Variants in CDC14A observed in about 807,000 individuals in gnomAD.
CDC14A encodes the protein dual specificity protein phosphatase CDC14A.
A neutral mutation model predicts 74.4 loss-of-function variants in CDC14A; 53 were observed. The ratio of observed to expected loss-of-function variants is 0.71; its 90% CI spans 0.57 to 0.89. The LOEUF is 0.89. Ranked by LOEUF, CDC14A falls within the 40% of genes least tolerant of loss-of-function variation. The pLI is 0.00. For synonymous variants in CDC14A, 247 were observed against 258.4 expected (o/e 0.96, Z 0.43); for missense variants, 646 against 713.7 (o/e 0.91, Z 1.08).
intron 11 of CDC14A, chr1:100,485,881 T>C (rs1417504098): frequency 6.6e-6 from 1 of 152,272 alleles, no homozygotes; most frequent in Non-Finnish European, 1.5e-5. Context: ...TGCTCTGTTC[T>C]CCAGGATGGC....
intron 10 of CDC14A, among the ~76,000 whole-genome samples, chr1:100,469,516 A>T (rs1668182434): frequency 6.6e-6 from 1 of 152,098 alleles, no homozygotes; most frequent in African/African-American, 2.4e-5. Flanking sequence ...TTTGCATTTT[A>T]TGTGCCTGTA....
intron 12 of CDC14A, 130 bp from the exon 13 acceptor site, chr1:100,495,872 C>A: frequency 1.4e-6 from 1 of 703,226 alleles, no homozygotes; most frequent in Non-Finnish European, 2.5e-6. Flanking sequence ...AATCTAATAT[C>A]CATTTGCAAG....
chr1:100,494,806 A>AT lies in CDC14A; in HGVS notation c.1138-5dup, dbSNP rs754787518. 4.5e-6 allele frequency: 7 copies of AT among 1,544,298 alleles called. No homozygotes were observed. The highest frequency in any genetic ancestry group is 5.4e-6 in the Non-Finnish European group (6 of 1,117,534). Reference sequence around the variant, plus strand: ...ATTTTGACCTTTCTATGGAACGTGTATTTTTTTCCAGGATAACTTAGAAGA... The same window carrying AT: ...ATTTTGACCTTTCTATGGAACGTGTATTTTTTTTCCAGGATAACTTAGAAGA... On this transcript the variant is annotated splice_polypyrimidine_tract_variant and intron_variant, in intron 11 of 15. Coordinates refer to ENST00000336454, the MANE Select transcript of CDC14A (RefSeq NM_003672.4).
intron 11 of CDC14A, among the ~76,000 whole-genome samples, chr1:100,490,681 A>G (rs1373365802): frequency 6.6e-6 from 1 of 152,166 alleles, no homozygotes; most frequent in African/African-American, 2.4e-5. Context: ...GAGGAAATAT[A>G]TGCAATATAT....
At chr1:100,463,492 G>A (rs192816986) in intron 9 of CDC14A, among the ~76,000 whole-genome samples, 1 of 152,176 alleles carries the variant, frequency 6.6e-6, no homozygotes, top group East Asian at 1.9e-4. Flanking sequence ...ATCTCTGGGG[G>A]TGGATACTTT....
intron 15 of CDC14A, among the ~76,000 whole-genome samples, chr1:100,513,364 T>C (rs932489332): frequency 6.6e-5 from 10 of 152,196 alleles, no homozygotes; most frequent in Non-Finnish European, 7.4e-5. Context: ...TTTTTGCCTC[T>C]GTGGTTAGAA....
At chr1:100,420,949 G>C (rs1490520667) in intron 4 of CDC14A, among the ~76,000 whole-genome samples, 1 of 152,108 alleles carries the variant, frequency 6.6e-6, no homozygotes, top group East Asian at 1.9e-4. Flanking sequence ...TAATTAAACA[G>C]AAAAAAGTCA....
chr1:100,409,548 A>G (rs1660394654), intron 4 of CDC14A, among the ~76,000 whole-genome samples: 1 of 152,244 alleles, frequency 6.6e-6, no homozygotes, highest in Non-Finnish European at 1.5e-5. Flanking sequence ...CAATGGGGGT[A>G]CAGGCATTGG....
chr1:100,345,175 G>T (rs1650310033), exon 1 of CDC14A: 1 of 152,156 alleles, frequency 6.6e-6, no homozygotes, highest in Non-Finnish European at 1.5e-5. Context: ...TGATAAAAAG[G>T]ACTTCTCTGT....
At chr1:100,479,255 T>A (rs1669217092) in intron 10 of CDC14A, among the ~76,000 whole-genome samples, 1 of 152,196 alleles carries the variant, frequency 6.6e-6, no homozygotes, top group Non-Finnish European at 1.5e-5. Context: ...ACTTCTATCA[T>A]TTCCTTTTAA....
intron 10 of CDC14A, among the ~76,000 whole-genome samples, chr1:100,477,966 A>T (rs1669086304): frequency 6.6e-6 from 1 of 152,300 alleles, no homozygotes; most frequent in South Asian, 2.1e-4. Context: ...ACTGGCAGTA[A>T]GAGAGATGTT....
upstream of CDC14A, among the ~76,000 whole-genome samples, chr1:100,347,736 C>G (rs1344784514): frequency 6.6e-6 from 1 of 152,124 alleles, no homozygotes; most frequent in East Asian, 1.9e-4. Flanking sequence ...CTCAGTGGCA[C>G]AGGTTTTTAC....
chr1:100,500,847 TGTGTG>T (rs1242805437), intron 15 of CDC14A, among the ~76,000 whole-genome samples: 6 of 149,736 alleles, frequency 4.0e-5, no homozygotes, highest in Non-Finnish European at 4.4e-5. Context: ...TGTGTGTGTG[TGTGTG>T]TTCATGTGTG....
rs1384424850 is a variant in CDC14A, at chr1:100,462,083, CT to C, written c.608-567del. Among the ~76,000 whole-genome samples, 5 of 152,202 alleles carry C rather than the reference CT, an allele frequency of 3.3e-5. 1 individual carries two copies. Among genetic ancestry groups the C allele is most frequent in the Non-Finnish European group, 7.3e-5 (5 of 68,038 alleles). ...TTGACCAATATCCTCCCAACACCCC[CT>C]CTTTTAGTTTCTTAATCTGTTAAAT... On this transcript the variant is annotated intron_variant, in intron 8 of 15. Transcript: ENST00000336454.
chr1:100,415,817 G>A (rs568275241), intron 4 of CDC14A, among the ~76,000 whole-genome samples: 3 of 152,160 alleles, frequency 2.0e-5, no homozygotes, highest in Admixed American at 2.0e-4. Flanking sequence ...ATTTCCACAA[G>A]CAATTAGAAC....
At chr1:100,505,751 G>T (rs537656332) in intron 15 of CDC14A, among the ~76,000 whole-genome samples, 1 of 151,960 alleles carries the variant, frequency 6.6e-6, no homozygotes, top group Non-Finnish European at 1.5e-5. Context: ...ATTTTTATTC[G>T]TCTGCTTTTG....
chr1:100,372,845 T>C (rs1056074890), intron 2 of CDC14A, among the ~76,000 whole-genome samples: 1 of 152,242 alleles, frequency 6.6e-6, no homozygotes, highest in Non-Finnish European at 1.5e-5. Flanking sequence ...CTCACCTCTC[T>C]TAACCTTCAT....
At chr1:100,383,221 T>A (rs531552798) in intron 3 of CDC14A, among the ~76,000 whole-genome samples, 3 of 152,186 alleles carry the variant, frequency 2.0e-5, no homozygotes, top group Admixed American at 2.0e-4. Flanking sequence ...AAGAACCCCG[T>A]TTATAGAGAA....
rs775832279 is a variant in CDC14A at position 100,498,950 on chromosome 1, A to G, written c.1443A>G (p.Leu481=). The change falls in exon 15 of 16, where the codon CTA becomes CTG. Residue 481 remains leucine (L), a synonymous_variant. Transcript: ENST00000336454. Reference sequence around the variant, plus strand: ...TCAGCTTTTCCATAAACTCCCGGCTAGCCAGTTCTCTAGGGAACTTGAATG... The same window carrying G: ...TCAGCTTTTCCATAAACTCCCGGCTGGCCAGTTCTCTAGGGAACTTGAATG... The part of the protein sequence containing the change: ...TVRSFSINSR[L]ASSLGNLNAA... The G allele has an allele frequency of 3.1e-6, 5 of 1,612,954 alleles. No individual in the cohort carries two copies. Among genetic ancestry groups the G allele is most frequent in the Non-Finnish European group, 3.4e-6 (4 of 1,179,210 alleles).
Sources: allele counts gnomAD v4.1 joint callset (sites outside exome capture counted in the v4.1 genomes callset), GRCh38; gene constraint gnomAD v4.1.1; transcripts MANE v1.5; gene names NCBI Gene and HGNC (gene_info 2026-07-23, HGNC 2026-07-21).